Variants in CDC42BPA observed in about 807,000 individuals in gnomAD.
CDC42BPA encodes the protein serine/threonine-protein kinase MRCK alpha.
CDC42BPA carries 80 observed loss-of-function variants against 223.5 expected under a neutral mutation model. That is an observed-to-expected ratio of 0.36 (90% confidence interval 0.30 to 0.43). CDC42BPA has a LOEUF of 0.43. Among genes scored for constraint, CDC42BPA ranks in the 20% least tolerant of loss-of-function variants. CDC42BPA has a pLI of 1.00. For synonymous variants in CDC42BPA, 694 were observed against 718.6 expected, an observed-to-expected ratio of 0.97 and a Z score of 0.55; for missense variants, 1,743 against 2,099.9, an observed-to-expected ratio of 0.83 and a Z score of 3.32.
intron 4 of CDC42BPA, among the ~76,000 whole-genome samples, chr1:227,198,184 C>T (rs1671062834): frequency 6.6e-6 from 1 of 151,788 alleles, no homozygotes; most frequent in Non-Finnish European, 1.5e-5. Flanking sequence ...GGCATGGTGG[C>T]TCATGCCTGT....
At position 227,112,728 on chromosome 1, in the gene CDC42BPA, C is replaced by T; in HGVS notation, c.1833G>A (p.Met611Ile). 2 of 1,614,062 alleles carry T rather than the reference C, an allele frequency of 1.2e-6. No individual in the cohort carries two copies. Among genetic ancestry groups the T allele is most frequent in the Non-Finnish European group, 1.7e-6 (2 of 1,179,970 alleles). ...RDKEEEVDLV[M>I]QKVESLRQEL... ...CTTGCCTTAAGCTTTCAACTTTTTG[C>T]ATCACCAGGTCCACCTCTTCTTCCT... The change falls in exon 13 of 37, where the codon ATG (methionine) becomes ATA (isoleucine). Residue 611 changes from methionine to isoleucine, a missense_variant. Coordinates refer to ENST00000366766, the MANE Select transcript of CDC42BPA (RefSeq NM_001394014.1).
intron 3 of CDC42BPA, among the ~76,000 whole-genome samples, chr1:227,207,128 T>G: frequency 8.2e-6 from 1 of 121,422 alleles, no homozygotes; most frequent in Admixed American, 1.0e-4. Context: ...TTCCCCTTCC[T>G]GTGTCCATGT....
chr1:227,134,939 C>T (rs1399881879), intron 10 of CDC42BPA, among the ~76,000 whole-genome samples: 1 of 152,212 alleles, frequency 6.6e-6, no homozygotes, highest in East Asian at 1.9e-4. Context: ...AAATTCAATA[C>T]ATAATTTGAG....
At chr1:227,209,168 G>C (rs1181273772) in intron 3 of CDC42BPA, among the ~76,000 whole-genome samples, 2 of 140,938 alleles carry the variant, frequency 1.4e-5, no homozygotes, top group African/African-American at 5.4e-5. Context: ...GTCTGTTGTT[G>C]GTGTATAAGA....
intron 11 of CDC42BPA, among the ~76,000 whole-genome samples, chr1:227,124,932 T>A (rs940098151): frequency 1.3e-5 from 2 of 152,014 alleles, no homozygotes; most frequent in Non-Finnish European, 2.9e-5. Flanking sequence ...AAAACAAACA[T>A]AAGACGACTC....
chr1:227,260,959 G>A (rs1683932332), intron 1 of CDC42BPA, among the ~76,000 whole-genome samples: 1 of 150,812 alleles, frequency 6.6e-6, no homozygotes, highest in South Asian at 2.1e-4. Flanking sequence ...CTGTAATACT[G>A]TGACTATACA....
At chr1:227,310,331 G>C (rs150374231) in intron 1 of CDC42BPA, among the ~76,000 whole-genome samples, 419 of 152,218 alleles carry the variant, frequency 2.8e-3, no homozygotes, top group Non-Finnish European at 4.3e-3. Flanking sequence ...TGGATTTCCA[G>C]AACACACTTT....
At chr1:227,123,796 T>C (rs919480685) in intron 11 of CDC42BPA, among the ~76,000 whole-genome samples, 9 of 152,012 alleles carry the variant, frequency 5.9e-5, no homozygotes, top group African/African-American at 2.2e-4. Context: ...TCAGTAAAAA[T>C]AGGCTCCTTT....
At chr1:227,152,230 T>C (rs956118506) in intron 6 of CDC42BPA, among the ~76,000 whole-genome samples, 8 of 152,188 alleles carry the variant, frequency 5.3e-5, no homozygotes, top group African/African-American at 1.7e-4. Flanking sequence ...AATGGAGATA[T>C]TGCCGAATTT....
intron 2 of CDC42BPA, among the ~76,000 whole-genome samples, chr1:227,217,816 C>T (rs751932740): frequency 3.7e-4 from 57 of 152,132 alleles, no homozygotes; most frequent in Non-Finnish European, 4.7e-4. Flanking sequence ...TCTAGCCCCA[C>T]GAAGCCACAC....
chr1:227,157,079 T>A lies in CDC42BPA; in HGVS notation c.693+3464A>T, dbSNP rs79921583. On this transcript the variant is annotated intron_variant, in intron 6 of 36. Transcript: ENST00000366766. ...ATGTGACTATTGTCATATCCTTTAC[T>A]TCTACATGTCATAAACCCACATTAC... Among the ~76,000 whole-genome samples the A allele has an allele frequency of 1.8e-3, 276 of 152,358 alleles. 1 individual carries two copies. The highest frequency in any genetic ancestry group is 6.4e-3 in the African/African-American group (266 of 41,576).
chr1:227,091,401 C>A (rs545818783), intron 16 of CDC42BPA, among the ~76,000 whole-genome samples: 7 of 151,784 alleles, frequency 4.6e-5, no homozygotes, highest in Non-Finnish European at 8.8e-5. Flanking sequence ...CACTGAGATC[C>A]GGTTGTTCAA....
At position 227,028,935 on chromosome 1, in the gene CDC42BPA, T is replaced by A. The variant is rs1668746829; in HGVS notation, c.4154A>T (p.Gln1385Leu). 6.2e-7 allele frequency: 1 copy of A among 1,614,208 alleles called. No homozygotes were observed. The highest frequency in any genetic ancestry group is 8.5e-7 in the Non-Finnish European group (1 of 1,180,022). ...FKEIQVPYNV[Q>L]WMAIFSEQLC... ...TTGTTCACTGAAGATTGCCATCCAC[T>A]GGACATTATATGGGACTTGAATTTC... The change falls in exon 30 of 37, where the codon CAG (glutamine) becomes CTG (leucine). Residue 1385 changes from glutamine (Q) to leucine (L), a missense_variant. Physicochemically the swap from Gln to Leu is moderately radical, Grantham distance 113 (BLOSUM62 -2). Around this residue, in one of 6 missense-constraint regions of CDC42BPA, gnomAD observed 678 missense variants for 777.5 expected, o/e 0.87. Transcript: ENST00000366766.
chr1:227,295,906 C>T (rs1032754554), intron 1 of CDC42BPA, among the ~76,000 whole-genome samples: 5 of 152,168 alleles, frequency 3.3e-5, no homozygotes, highest in Non-Finnish European at 5.9e-5. Context: ...GAACTACTGA[C>T]GTGACCACAC....
intron 26 of CDC42BPA, 122 bp from the exon 27 acceptor site, chr1:227,033,537 T>TA: frequency 3.2e-6 from 2 of 625,018 alleles, no homozygotes; most frequent in Non-Finnish European, 5.8e-6. Context: ...TTTAATTTTT[T>TA]AAAAAAATTA....
chr1:227,006,812 C>T (rs1398789632), intron 34 of CDC42BPA, among the ~76,000 whole-genome samples: 1 of 152,128 alleles, frequency 6.6e-6, no homozygotes, highest in Non-Finnish European at 1.5e-5. Context: ...TGGCACATGC[C>T]TGTAGTCCCA....
chr1:227,198,303 A>C (rs908447827), intron 4 of CDC42BPA, among the ~76,000 whole-genome samples: 4 of 151,968 alleles, frequency 2.6e-5, no homozygotes, highest in African/African-American at 7.2e-5. Flanking sequence ...CAACAAAAAA[A>C]TTAAGTTAGT....
intron 2 of CDC42BPA, among the ~76,000 whole-genome samples, chr1:227,251,394 A>G (rs1189234330): frequency 6.6e-6 from 1 of 152,178 alleles, no homozygotes; most frequent in Non-Finnish European, 1.5e-5. Context: ...AATGAGAGAA[A>G]AACAACACAA....
chr1:227,202,480 T>C (rs1671954672), intron 3 of CDC42BPA, among the ~76,000 whole-genome samples: 2 of 152,312 alleles, frequency 1.3e-5, no homozygotes, highest in Admixed American at 6.5e-5. Context: ...ATAAACATTC[T>C]AGTTAGAATT....
Sources: gnomAD v4.1 joint callset for allele counts (sites outside exome capture counted in the v4.1 genomes callset) on GRCh38, gnomAD v4.1.1 for gene constraint, gnomAD v4.1.1 regional missense constraint, MANE v1.5 for transcripts, NCBI Gene and HGNC (gene_info 2026-07-23, HGNC 2026-07-21) for gene names.